RGS6: variants seen among roughly 807,000 people sequenced by gnomAD.
The protein encoded by RGS6 is regulator of G-protein signaling 6.
RGS6 carries 30 observed loss-of-function variants against 78.5 expected under a neutral mutation model. The observed-to-expected ratio is 0.38, with a 90% CI of 0.29 to 0.52. RGS6 has a LOEUF of 0.52. Ranked by LOEUF, RGS6 falls within the 20% of genes least tolerant of loss-of-function variation. RGS6 has a pLI of 0.85. For synonymous variants in RGS6, 206 were observed against 206.0 expected, an observed-to-expected ratio of 1.00 and a Z score of 0.00; for missense variants, 495 against 609.7, an observed-to-expected ratio of 0.81 and a Z score of 1.98.
At chr14:72,448,173 C>T (rs1265658874) in intron 3 of RGS6, among the ~76,000 whole-genome samples, 4 of 152,162 alleles carry the variant, frequency 2.6e-5, no homozygotes, top group Admixed American at 6.5e-5. Context: ...AAGGGACCTG[C>T]CCAGGTTCCC....
chr14:72,567,923 C>A (rs2097715670), downstream of RGS6, among the ~76,000 whole-genome samples: 4 of 152,232 alleles, frequency 2.6e-5, no homozygotes, highest in Admixed American at 1.3e-4. Flanking sequence ...CCTTCAGCGC[C>A]CACAATGGGG....
intron 3 of RGS6, among the ~76,000 whole-genome samples, chr14:72,366,610 G>A (rs1397963278): frequency 1.3e-5 from 2 of 152,156 alleles, no homozygotes; most frequent in Non-Finnish European, 1.5e-5. Flanking sequence ...AGATTTCTGA[G>A]CAAGGTGCCC....
At chr14:71,932,064 G>A (rs1255209469), upstream of RGS6, among the ~76,000 whole-genome samples, 3 of 152,240 alleles carry the variant, frequency 2.0e-5, no homozygotes, top group Non-Finnish European at 4.4e-5. Flanking sequence ...AGAGAACCTT[G>A]ACGCCGCTGA....
chr14:72,554,424 A>G lies in RGS6; in HGVS notation c.1423-7993A>G, dbSNP rs553199398. On this transcript the variant is annotated intron_variant, in intron 17 of 17. Transcript: ENST00000553525. ...CAGCTTCACTGTCTCCCGTAGTCAT[A>G]GTCAAGGGTTACTTGAATTTCCTAG... Among the ~76,000 whole-genome samples the G allele has an allele frequency of 7.2e-5, 11 of 152,366 alleles. No homozygotes were observed. The East Asian group carries it at 2.1e-3, about 29-fold the overall frequency.
chr14:72,588,234 T>C, the RGS6 span, among the ~76,000 whole-genome samples: 2,215 of 152,242 alleles, frequency 0.015, 58 homozygotes, highest in East Asian at 0.061. Context: ...TGAGCTCACC[T>C]GTGGGAGTAC....
the RGS6 span, among the ~76,000 whole-genome samples, chr14:71,875,753 A>C: frequency 2.6e-5 from 4 of 152,018 alleles, no homozygotes; most frequent in Admixed American, 6.6e-5. Context: ...TCAATTTTAG[A>C]TCTTTCCTGC....
intron 2 of RGS6, among the ~76,000 whole-genome samples, chr14:72,154,965 A>G (rs1393728510): frequency 6.6e-6 from 1 of 152,250 alleles, no homozygotes; most frequent in East Asian, 1.9e-4. Flanking sequence ...GCGGGCGGTA[A>G]TGAATCCCTG....
the RGS6 span, among the ~76,000 whole-genome samples, chr14:72,583,674 G>A: frequency 6.6e-6 from 1 of 152,164 alleles, no homozygotes; most frequent in Non-Finnish European, 1.5e-5. Flanking sequence ...TTCTTCTTGG[G>A]CCAGCTTTTC....
chr14:72,032,534 ATTG>A (rs2091060110), intron 2 of RGS6, among the ~76,000 whole-genome samples: 2 of 152,286 alleles, frequency 1.3e-5, no homozygotes, highest in South Asian at 4.1e-4. Flanking sequence ...CTATGTGTAC[ATTG>A]TTGTGCCACA....
At chr14:72,605,833 C>G in the RGS6 span, among the ~76,000 whole-genome samples, 1 of 152,252 alleles carries the variant, frequency 6.6e-6, no homozygotes, top group South Asian at 2.1e-4. Flanking sequence ...GACCTCCCAT[C>G]ATCACTCTGC....
At chr14:72,260,072 T>C (rs2057862706) in intron 2 of RGS6, among the ~76,000 whole-genome samples, 1 of 152,202 alleles carries the variant, frequency 6.6e-6, no homozygotes, top group Non-Finnish European at 1.5e-5. Flanking sequence ...TATTTAAATA[T>C]TTACATAGCT....
the RGS6 span, among the ~76,000 whole-genome samples, chr14:71,921,989 TTC>T: frequency 6.6e-6 from 1 of 152,308 alleles, no homozygotes; most frequent in East Asian, 1.9e-4. Context: ...CCACGGGAAT[TTC>T]TCTTAGTTCT....
At chr14:72,598,498 A>T in the RGS6 span, among the ~76,000 whole-genome samples, 4 of 152,202 alleles carry the variant, frequency 2.6e-5, no homozygotes, top group Admixed American at 2.6e-4. Context: ...ATATATGCAA[A>T]CAAGGCCTTC....
At chr14:72,275,380 C>G (rs1222518976) in intron 2 of RGS6, among the ~76,000 whole-genome samples, 1 of 152,128 alleles carries the variant, frequency 6.6e-6, no homozygotes, top group Non-Finnish European at 1.5e-5. Flanking sequence ...TGAGGCATTT[C>G]AGATAGCTGA....
chr14:72,223,316 T>C (rs2047326918), intron 2 of RGS6, among the ~76,000 whole-genome samples: 1 of 152,218 alleles, frequency 6.6e-6, no homozygotes, highest in Non-Finnish European at 1.5e-5. Context: ...CTTGTAATGA[T>C]TTAAAACCAA....
intron 2 of RGS6, among the ~76,000 whole-genome samples, chr14:72,316,290 G>A (rs2070185508): frequency 6.6e-6 from 1 of 152,030 alleles, no homozygotes; most frequent in East Asian, 1.9e-4. Flanking sequence ...ACAATGTGCA[G>A]GTTTGTTACA....
At chr14:72,368,629 C>G (rs976691910) in intron 3 of RGS6, among the ~76,000 whole-genome samples, 6 of 152,182 alleles carry the variant, frequency 3.9e-5, no homozygotes, top group African/African-American at 1.4e-4. Context: ...TCAATTCATT[C>G]ATCCCAATTC....
At chr14:72,064,333 A>G (rs949503209) in intron 2 of RGS6, among the ~76,000 whole-genome samples, 1 of 152,192 alleles carries the variant, frequency 6.6e-6, no homozygotes, top group African/African-American at 2.4e-5. Flanking sequence ...GTTGACAGGC[A>G]TGAGAGGGAA....
chr14:72,022,868 CA>C (rs146119679), intron 2 of RGS6, among the ~76,000 whole-genome samples: 20,944 of 152,224 alleles, frequency 0.14, 1,766 homozygotes, highest in South Asian at 0.2. Flanking sequence ...CTTTGCTGAA[CA>C]TACTCAAATG....
Sources: gnomAD v4.1 joint callset for allele counts (sites outside exome capture counted in the v4.1 genomes callset) on GRCh38, gnomAD v4.1.1 for gene constraint, MANE v1.5 for transcripts, NCBI Gene and HGNC (gene_info 2026-07-23, HGNC 2026-07-21) for gene names.